The following KCNQ5 variants were observed in gnomAD, a reference collection of about 807,000 sequenced individuals.
The protein encoded by KCNQ5 is potassium voltage-gated channel subfamily KQT member 5.
Under a neutral mutation model 98.2 loss-of-function variants are expected in KCNQ5, and 30 were observed. The ratio of observed to expected loss-of-function variants is 0.31; its 90% CI spans 0.23 to 0.41. The LOEUF (loss-of-function observed/expected upper bound fraction) is 0.41, where lower values mean the gene tolerates loss of function less well. Among genes scored for constraint, KCNQ5 ranks in the 10% least tolerant of loss-of-function variants. The pLI, the probability that KCNQ5 is intolerant of heterozygous loss-of-function variation, is 1.00. For missense variants in KCNQ5, 835 were observed against 1,182.5 expected (o/e 0.71, Z 4.31); for synonymous variants, 458 against 449.4 (o/e 1.02, Z -0.24).
intron 1 of KCNQ5, among the ~76,000 whole-genome samples, chr6:72,736,032 T>A (rs748541155): frequency 6.6e-5 from 10 of 151,958 alleles, no homozygotes; most frequent in Non-Finnish European, 1.2e-4. Flanking sequence ...TAGTCTTTTT[T>A]AAGAAACATG....
chr6:73,085,261 A>G (rs1228875743), intron 5 of KCNQ5, among the ~76,000 whole-genome samples: 2 of 152,174 alleles, frequency 1.3e-5, no homozygotes, highest in Non-Finnish European at 2.9e-5. Flanking sequence ...GTCTGGTGCT[A>G]TCTTTCTGTT....
intron 1 of KCNQ5, among the ~76,000 whole-genome samples, chr6:72,931,774 ATTGCCTCACACT>A (rs951185503): frequency 3.5e-4 from 53 of 152,242 alleles, no homozygotes; most frequent in African/African-American, 1.1e-3. Flanking sequence ...ATGCGAGGTA[ATTGCCTCACACT>A]TTGCCTCACA....
chr6:72,918,539 T>C (rs573190331), intron 1 of KCNQ5, among the ~76,000 whole-genome samples: 4 of 151,820 alleles, frequency 2.6e-5, no homozygotes, highest in Non-Finnish European at 5.9e-5. Context: ...CCTTGAAAAT[T>C]TGGGGAAAAG....
intron 1 of KCNQ5, among the ~76,000 whole-genome samples, chr6:72,877,297 G>A (rs1468833291): frequency 2.6e-5 from 4 of 152,026 alleles, no homozygotes; most frequent in African/African-American, 7.2e-5. Flanking sequence ...TCCCACTTAT[G>A]AAGGAGAACA....
chr6:72,731,391 C>T (rs139973418), intron 1 of KCNQ5, among the ~76,000 whole-genome samples: 1 of 152,338 alleles, frequency 6.6e-6, no homozygotes, highest in African/African-American at 2.4e-5. Context: ...CATATAAAAG[C>T]TATCCCAAAT....
intron 1 of KCNQ5, among the ~76,000 whole-genome samples, chr6:72,950,795 G>A (rs1325097998): frequency 2.0e-5 from 3 of 152,194 alleles, no homozygotes; most frequent in East Asian, 3.8e-4. Flanking sequence ...TTGGAGGATG[G>A]CCATATCATG....
At chr6:72,725,301 T>C (rs1404410491) in intron 1 of KCNQ5, among the ~76,000 whole-genome samples, 1 of 152,162 alleles carries the variant, frequency 6.6e-6, no homozygotes, top group African/African-American at 2.4e-5. Flanking sequence ...GAAGATCAAG[T>C]AGTCATCATT....
chr6:72,932,798 A>G (rs898949202), intron 1 of KCNQ5, among the ~76,000 whole-genome samples: 1 of 152,162 alleles, frequency 6.6e-6, no homozygotes, highest in Non-Finnish European at 1.5e-5. Flanking sequence ...AATTAAAGAG[A>G]GTTTTTGTAA....
chr6:73,078,677 G>A (rs557091114), intron 5 of KCNQ5, among the ~76,000 whole-genome samples: 2 of 152,248 alleles, frequency 1.3e-5, no homozygotes, highest in East Asian at 3.9e-4. Context: ...ACCTCCACTA[G>A]GCAGAATTTA....
intron 9 of KCNQ5, among the ~76,000 whole-genome samples, chr6:73,124,984 C>T (rs62415167): frequency 0.33 from 2,483 of 7,562 alleles, 89 homozygotes; most frequent in Non-Finnish European, 0.36. Flanking sequence ...TATATATACA[C>T]ACACACACAT....
rs67817942 is a variant in KCNQ5 at position 73,065,049 on chromosome 6, G to GAAA, written c.617-12272_617-12271insAAA. Among the ~76,000 whole-genome samples the GAAA allele has an allele frequency of 4.4e-3, 643 of 146,756 alleles. 4 individuals carry two copies. Among genetic ancestry groups the GAAA allele is most frequent in the East Asian group, 8.0e-3 (40 of 5,010 alleles). The stretch of plus-strand genomic sequence containing the variant: ...TTGCAAGGGATTCGTCCTGTAGCAT[G>GAAA]AGAAAAAAAAAAAAATCTACTGCCT... On this transcript the variant is annotated intron_variant, in intron 3 of 13. Coordinates refer to ENST00000370398, the MANE Select transcript of KCNQ5 (RefSeq NM_019842.4).
At chr6:73,006,244 T>C (rs1317090758) in intron 2 of KCNQ5, among the ~76,000 whole-genome samples, 1 of 152,064 alleles carries the variant, frequency 6.6e-6, no homozygotes, top group African/African-American at 2.4e-5. Context: ...ACAGAACTCA[T>C]AGAACACGAT....
intron 1 of KCNQ5, among the ~76,000 whole-genome samples, chr6:72,683,469 G>A (rs992788817): frequency 2.0e-5 from 3 of 148,730 alleles, no homozygotes; most frequent in South Asian, 2.1e-4. Context: ...CCGGGTTCAC[G>A]CCATTCTCCT....
chr6:72,729,661 G>A (rs1770461592), intron 1 of KCNQ5, among the ~76,000 whole-genome samples: 1 of 152,108 alleles, frequency 6.6e-6, no homozygotes, highest in Non-Finnish European at 1.5e-5. Flanking sequence ...TATAAAGAGG[G>A]CTTCTTTATC....
intron 1 of KCNQ5, among the ~76,000 whole-genome samples, chr6:72,869,458 G>T (rs2150160592): frequency 6.6e-6 from 1 of 152,260 alleles, no homozygotes; most frequent in African/African-American, 2.4e-5. Context: ...TACATATTCT[G>T]ATTCTGTAGT....
chr6:72,789,138 T>C (rs1323536401), intron 1 of KCNQ5, among the ~76,000 whole-genome samples: 1 of 151,632 alleles, frequency 6.6e-6, no homozygotes, highest in Non-Finnish European at 1.5e-5. Context: ...CCCTCCATGG[T>C]TTTTGTTCAT....
chr6:72,874,751 C>T (rs1778344021), intron 1 of KCNQ5, among the ~76,000 whole-genome samples: 1 of 152,266 alleles, frequency 6.6e-6, no homozygotes, highest in East Asian at 1.9e-4. Flanking sequence ...AAGGGCAGAA[C>T]AAGATTTCGG....
At chr6:72,996,015 G>A (rs1449340560) in intron 1 of KCNQ5, among the ~76,000 whole-genome samples, 9 of 152,202 alleles carry the variant, frequency 5.9e-5, no homozygotes, top group East Asian at 1.9e-4. Flanking sequence ...TAATATATGC[G>A]GTACAAGTGG....
chr6:72,952,803 A>G (rs1766868176), intron 1 of KCNQ5, among the ~76,000 whole-genome samples: 1 of 152,068 alleles, frequency 6.6e-6, no homozygotes, highest in African/African-American at 2.4e-5. Context: ...CTTCCCTACC[A>G]TTCATCCCTT....
Sources: gnomAD v4.1 joint callset for allele counts (sites outside exome capture counted in the v4.1 genomes callset) on GRCh38, gnomAD v4.1.1 for gene constraint, MANE v1.5 for transcripts, NCBI Gene and HGNC (gene_info 2026-07-23, HGNC 2026-07-21) for gene names.